The following AHCYL2 variants were observed in gnomAD, a reference collection of about 807,000 sequenced individuals.
AHCYL2 encodes adenosylhomocysteinase like 2, also known as S-adenosylhomocysteine hydrolase-like protein 2.
Under a neutral mutation model 81.4 loss-of-function variants are expected in AHCYL2, and 28 were observed. That is an observed-to-expected ratio of 0.34 (90% CI 0.25 to 0.47). AHCYL2 has a LOEUF of 0.47. AHCYL2 is among the 20% of genes least tolerant of loss of function. The pLI, the probability that AHCYL2 is intolerant of heterozygous loss-of-function variation, is 1.00. For missense variants in AHCYL2, 551 were observed against 785.1 expected (o/e 0.70, Z 3.56); for synonymous variants, 272 against 290.2 (o/e 0.94, Z 0.64).
intron 12 of AHCYL2, among the ~76,000 whole-genome samples, chr7:129,416,203 C>T (rs1316342006): frequency 1.3e-5 from 2 of 152,124 alleles, no homozygotes; most frequent in Non-Finnish European, 2.9e-5. Flanking sequence ...GCAGCCCAGA[C>T]ATAAGTAACC....
At chr7:129,302,531 T>TC (rs1418262546) in intron 1 of AHCYL2, among the ~76,000 whole-genome samples, 1 of 152,200 alleles carries the variant, frequency 6.6e-6, no homozygotes, top group Non-Finnish European at 1.5e-5. Context: ...GAGGTATGTT[T>TC]CTTCTATACT....
Position 129,225,261 on chromosome 7 carries a change from T to A in AHCYL2, c.185T>A (p.Val62Asp). Residue 62 changes from valine to aspartate, a missense_variant, in exon 1 of 17, where the codon GTC (valine) becomes GAC (aspartate). Val to Asp is a radical substitution (Grantham distance 152, BLOSUM62 -3). Transcript: ENST00000325006. ...GCTCCCGCCGCGGAGCGGCCCCCGG[T>A]CCCCGGCCCGGGCTCGGGGCCCGCC... ...APAPAAERPP[V>D]PGPGSGPAAA... 1 of 1,447,566 alleles carries A rather than the reference T, an allele frequency of 6.9e-7. No individual in the cohort carries two copies. Among genetic ancestry groups the A allele is most frequent in the Non-Finnish European group, 9.0e-7 (1 of 1,109,572 alleles). The allele number at this position is 1,447,566 out of a possible 1,614,324, so 89.7% of individuals were successfully genotyped here. A position where few individuals can be genotyped will look rare whatever the true frequency, so the allele number is the denominator to read the frequency against.
At chr7:129,336,149 A>G (rs893995621) in intron 1 of AHCYL2, among the ~76,000 whole-genome samples, 1 of 146,158 alleles carries the variant, frequency 6.8e-6, no homozygotes, top group Non-Finnish European at 1.5e-5. Context: ...GCTCACTGCA[A>G]CCTCTACTCC....
chr7:129,414,036 A>G (rs1308695662), intron 12 of AHCYL2, among the ~76,000 whole-genome samples: 1 of 152,218 alleles, frequency 6.6e-6, no homozygotes, highest in African/African-American at 2.4e-5. Flanking sequence ...TCAGTATGGT[A>G]GTCAGTATTT....
chr7:129,298,090 G>C (rs546015843), intron 1 of AHCYL2, among the ~76,000 whole-genome samples: 1 of 152,268 alleles, frequency 6.6e-6, no homozygotes, highest in African/African-American at 2.4e-5. Context: ...GATAGCTAGA[G>C]GGTAACTATA....
At chr7:129,279,757 C>T (rs1796362543) in intron 1 of AHCYL2, among the ~76,000 whole-genome samples, 1 of 152,176 alleles carries the variant, frequency 6.6e-6, no homozygotes, top group African/African-American at 2.4e-5. Flanking sequence ...AGGCATTTCC[C>T]ACAACTAAGG....
chr7:129,382,718 C>T (rs191660367), intron 2 of AHCYL2, among the ~76,000 whole-genome samples: 1,814 of 151,934 alleles, frequency 0.012, 21 homozygotes, highest in Middle Eastern at 0.031. Context: ...CCAGCCTGAC[C>T]AACATGGAGA....
chr7:129,355,002 C>A (rs147669846), intron 1 of AHCYL2, among the ~76,000 whole-genome samples: 1 of 152,096 alleles, frequency 6.6e-6, no homozygotes, highest in African/African-American at 2.4e-5. Flanking sequence ...TGAATACCCC[C>A]GATCCTTTTG....
chr7:129,422,308 C>T (rs1188354614), intron 12 of AHCYL2, among the ~76,000 whole-genome samples: 3 of 152,136 alleles, frequency 2.0e-5, no homozygotes, highest in Non-Finnish European at 4.4e-5. Context: ...CTGGGACCTT[C>T]GGATATGAGG....
At chr7:129,331,528 A>G (rs1252948276) in intron 1 of AHCYL2, among the ~76,000 whole-genome samples, 2 of 152,160 alleles carry the variant, frequency 1.3e-5, no homozygotes, top group Non-Finnish European at 2.9e-5. Flanking sequence ...ACTATTTACC[A>G]GATTTGTTCT....
chr7:129,349,301 C>T (rs769797082), intron 1 of AHCYL2, among the ~76,000 whole-genome samples: 4 of 151,808 alleles, frequency 2.6e-5, no homozygotes, highest in African/African-American at 4.8e-5. Flanking sequence ...TAAATCTTGA[C>T]TGAGGGATAA....
chr7:129,268,774 A>C (rs560968583), intron 1 of AHCYL2, among the ~76,000 whole-genome samples: 1 of 152,340 alleles, frequency 6.6e-6, no homozygotes, highest in East Asian at 1.9e-4. Context: ...AGAATGTTTT[A>C]GCTTTTTGAA....
intron 1 of AHCYL2, among the ~76,000 whole-genome samples, chr7:129,302,287 A>G (rs982870674): frequency 5.3e-5 from 8 of 152,170 alleles, no homozygotes; most frequent in Admixed American, 5.2e-4. Flanking sequence ...TTTTCCAAAT[A>G]TAAGGTCATA....
In AHCYL2 at chr7:129,370,569, G is replaced by A. The variant is rs556790503; in HGVS notation, c.364-9069G>A. ...AAAAATTAGCCGGGCGTGGTGGCGGGCGCCTATAGTCCCAGCTACTCTGGA... is the reference window on the plus strand; with the variant it reads ...AAAAATTAGCCGGGCGTGGTGGCGGACGCCTATAGTCCCAGCTACTCTGGA... On this transcript the variant is annotated intron_variant, in intron 1 of 16. Coordinates refer to ENST00000325006, the MANE Select transcript of AHCYL2 (RefSeq NM_015328.4). Among the ~76,000 whole-genome samples, 10 of 152,242 alleles carry A rather than the reference G, an allele frequency of 6.6e-5. No homozygotes were observed. In the South Asian group the frequency reaches 1.5e-3, roughly 22 times the overall value.
chr7:129,427,982 A>ATACT lies in AHCYL2; in HGVS notation c.*939_*942dup. ...CGTCTGAAACTGAGTAGGGAAAGGCATACTTTTCCAGGGACTTAGGGGGAT... is the reference window on the plus strand; with the variant it reads ...CGTCTGAAACTGAGTAGGGAAAGGCATACTTACTTTTCCAGGGACTTAGGGGGAT... On this transcript the variant is annotated 3_prime_UTR_variant, in exon 17 of 17. Transcript: ENST00000325006. The surrounding 1 kb of genome is among the most constrained non-coding windows in gnomAD (Gnocchi z 5.5). 6.6e-6 allele frequency: 1 copy of ATACT among 152,330 alleles called. No individual in the cohort carries two copies. The highest frequency in any genetic ancestry group is 1.9e-4 in the East Asian group (1 of 5,186). 9.4% of individuals were successfully genotyped at this position (152,330 alleles called of 1,614,324 possible). A position where few individuals can be genotyped will look rare whatever the true frequency, so the allele number is the denominator to read the frequency against.
At chr7:129,281,672 AT>A (rs1310757491) in intron 1 of AHCYL2, among the ~76,000 whole-genome samples, 1 of 151,148 alleles carries the variant, frequency 6.6e-6, no homozygotes, top group African/African-American at 2.4e-5. Context: ...TAATTTTTGC[AT>A]TTTTTGTAGA....
At chr7:129,291,845 TC>T (rs34387388) in intron 1 of AHCYL2, among the ~76,000 whole-genome samples, 3,741 of 152,050 alleles carry the variant, frequency 0.025, 77 homozygotes, top group Admixed American at 0.058. Context: ...GACCTCATGA[TC>T]CGCCCGCCTC....
At chr7:129,396,896 CT>C (rs1180242897) in intron 4 of AHCYL2, among the ~76,000 whole-genome samples, 1 of 152,174 alleles carries the variant, frequency 6.6e-6, no homozygotes, top group Non-Finnish European at 1.5e-5. Context: ...TCTCTTGTAG[CT>C]TTGTATGTTC....
intron 1 of AHCYL2, among the ~76,000 whole-genome samples, chr7:129,231,255 A>G (rs1794427988): frequency 6.6e-6 from 1 of 152,142 alleles, no homozygotes; most frequent in South Asian, 2.1e-4. Flanking sequence ...AAGAAAAAAA[A>G]AAGCTGCTTT....
Sources: gnomAD v4.1 joint callset for allele counts (sites outside exome capture counted in the v4.1 genomes callset) on GRCh38, gnomAD v4.1.1 for gene constraint, Gnocchi (gnomAD v3.1) non-coding constraint, MANE v1.5 for transcripts, NCBI Gene and HGNC (gene_info 2026-07-23, HGNC 2026-07-21) for gene names.